TACC2: variants seen among roughly 807,000 people sequenced by gnomAD.
TACC2 encodes transforming acidic coiled-coil-containing protein 2.
TACC2 carries 137 observed loss-of-function variants against 227.3 expected under a neutral mutation model. The ratio of observed to expected loss-of-function variants is 0.60; its 90% CI spans 0.52 to 0.69. The LOEUF is 0.69. Ranked by LOEUF, TACC2 falls within the 30% of genes least tolerant of loss-of-function variation. TACC2 has a pLI of 0.00. For missense variants in TACC2, 3,470 were observed against 3,694.4 expected, an observed-to-expected ratio of 0.94 and a Z score of 1.57; for synonymous variants, 1,523 against 1,487.5, an observed-to-expected ratio of 1.02 and a Z score of -0.55.
At chr10:122,036,509 T>TTTC (rs1462373012) in intron 2 of TACC2, among the ~76,000 whole-genome samples, 1 of 150,254 alleles carries the variant, frequency 6.7e-6, no homozygotes, top group Non-Finnish European at 1.5e-5. Flanking sequence ...TCTTTTTTTT[T>TTTC]TTTTTTTTAA....
At chr10:122,174,610 A>C (rs1185876559) in intron 7 of TACC2, among the ~76,000 whole-genome samples, 1 of 152,104 alleles carries the variant, frequency 6.6e-6, no homozygotes, top group Non-Finnish European at 1.5e-5. Flanking sequence ...TTTTTTTTAA[A>C]TTGAGAAATA....
At chr10:122,162,375 ATTTTC>A (rs1397509079) in intron 7 of TACC2, among the ~76,000 whole-genome samples, 1 of 152,062 alleles carries the variant, frequency 6.6e-6, no homozygotes, top group Non-Finnish European at 1.5e-5. Flanking sequence ...TTTTGTTTTT[ATTTTC>A]TTTTGCTTTT....
chr10:122,166,322 T>C (rs1013322957), intron 7 of TACC2, among the ~76,000 whole-genome samples: 4 of 152,202 alleles, frequency 2.6e-5, no homozygotes, highest in Non-Finnish European at 5.9e-5. Context: ...AGTTTTAAGA[T>C]TTCTTTCCTT....
At chr10:121,992,319 G>A (rs1270167093) in intron 1 of TACC2, among the ~76,000 whole-genome samples, 1 of 152,206 alleles carries the variant, frequency 6.6e-6, no homozygotes, top group Non-Finnish European at 1.5e-5. Context: ...TGAAAAACCT[G>A]AAGGTTTTAA....
chr10:122,046,560 T>C (rs2075032142), intron 2 of TACC2, among the ~76,000 whole-genome samples: 1 of 152,106 alleles, frequency 6.6e-6, no homozygotes, highest in South Asian at 2.1e-4. Context: ...GCCTGCCTTT[T>C]GTTTTTTTCT....
chr10:122,239,490 C>T (rs1535460), intron 18 of TACC2, among the ~76,000 whole-genome samples: 43,468 of 152,166 alleles, frequency 0.29, 6,798 homozygotes, highest in East Asian at 0.42. Context: ...TTGAGCCTAG[C>T]GTGCTATTTC....
At position 122,085,270 on chromosome 10, in the gene TACC2, G is replaced by A; in HGVS notation, c.2770G>A (p.Glu924Lys). 3 of 1,614,078 alleles carry A rather than the reference G, an allele frequency of 1.9e-6. No individual in the cohort carries two copies. The highest frequency in any genetic ancestry group is 2.5e-6 in the Non-Finnish European group (3 of 1,180,026). The change falls in exon 4 of 23, where the codon GAG becomes AAG. Residue 924 changes from glutamate to lysine, a missense_variant. Coordinates refer to ENST00000369005, the MANE Select transcript of TACC2 (RefSeq NM_206862.4). The part of the protein sequence containing the change: ...PTSSPTDMVW[E>K]SSLTEESELS... Reference sequence around the variant, plus strand: ...TTCATCTCCCACTGACATGGTTTGGGAGAGTTCTCTGACAGAAGAGTCAGA... The same window carrying A: ...TTCATCTCCCACTGACATGGTTTGGAAGAGTTCTCTGACAGAAGAGTCAGA...
chr10:122,187,335 C>A (rs1010791389), intron 7 of TACC2, among the ~76,000 whole-genome samples: 4 of 152,182 alleles, frequency 2.6e-5, no homozygotes, highest in African/African-American at 9.7e-5. Context: ...CTTCGGTACA[C>A]TCTGGTGTCC....
At position 122,082,976 on chromosome 10, in the gene TACC2, A is replaced by T; in HGVS notation, c.476A>T (p.Asp159Val). 1.2e-6 allele frequency: 2 copies of T among 1,612,848 alleles called. No homozygotes were observed. Among genetic ancestry groups the T allele is most frequent in the Non-Finnish European group, 1.7e-6 (2 of 1,179,992 alleles). ...DIAAAFPAERDSSTPYQEIAA... is the reference protein window; with the variant it reads ...DIAAAFPAERVSSTPYQEIAA... ...GCGGCGGCATTTCCCGCTGAGAGGGACAGCTCTACTCCATACCAAGAGATT... is the reference window on the plus strand; with the variant it reads ...GCGGCGGCATTTCCCGCTGAGAGGGTCAGCTCTACTCCATACCAAGAGATT... The change falls in exon 4 of 23, where the codon GAC becomes GTC. Residue 159 changes from aspartate to valine, a missense_variant. Coordinates refer to ENST00000369005, the MANE Select transcript of TACC2 (RefSeq NM_206862.4).
intron 11 of TACC2, among the ~76,000 whole-genome samples, chr10:122,219,303 G>A (rs1371896349): frequency 2.7e-5 from 4 of 148,684 alleles, no homozygotes; most frequent in Admixed American, 2.0e-4. Context: ...CTGGAATTCC[G>A]CTCCTGGCTC....
At chr10:122,099,185 G>A (rs946918487) in intron 5 of TACC2, among the ~76,000 whole-genome samples, 6 of 152,196 alleles carry the variant, frequency 3.9e-5, no homozygotes, top group South Asian at 2.1e-4. Context: ...CCTGCCAGAC[G>A]CCATAACATA....
chr10:122,005,837 T>C (rs1301513098), intron 1 of TACC2, among the ~76,000 whole-genome samples: 1 of 151,772 alleles, frequency 6.6e-6, no homozygotes, highest in African/African-American at 2.4e-5. Context: ...GGGACTCTAG[T>C]TGTGCACCAC....
intron 3 of TACC2, among the ~76,000 whole-genome samples, chr10:122,059,731 C>G (rs1230189604): frequency 6.6e-6 from 1 of 152,144 alleles, no homozygotes; most frequent in Non-Finnish European, 1.5e-5. Context: ...AACAGAGACA[C>G]TTTTGGGTGG....
chr10:122,195,232 G>A, intron 8 of TACC2, 56 bp downstream of exon 8: 1 of 1,490,948 alleles, frequency 6.7e-7, no homozygotes, highest in Non-Finnish European at 9.1e-7. Context: ...AGCCCTGGGG[G>A]AGATTTGCAG....
intron 8 of TACC2, among the ~76,000 whole-genome samples, chr10:122,203,453 C>T (rs1321509888): frequency 2.6e-5 from 4 of 151,046 alleles, no homozygotes; most frequent in African/African-American, 7.3e-5. Context: ...AGGTGGCTGC[C>T]GGGTGGAGAC....
chr10:122,013,033 A>G (rs1202874787), intron 1 of TACC2, among the ~76,000 whole-genome samples: 2 of 152,180 alleles, frequency 1.3e-5, no homozygotes, highest in Non-Finnish European at 2.9e-5. Context: ...GAGTCCCCCA[A>G]CATCTGAATG....
chr10:122,128,068 T>C (rs998548770), intron 5 of TACC2, among the ~76,000 whole-genome samples: 17 of 151,182 alleles, frequency 1.1e-4, no homozygotes, highest in Non-Finnish European at 2.1e-4. Context: ...GGGAGGCAGG[T>C]GAGTGGGTAA....
chr10:122,051,716 G>A (rs1297791738), intron 3 of TACC2: 1 of 149,274 alleles, frequency 6.7e-6, no homozygotes, highest in African/African-American at 2.5e-5. Flanking sequence ...ATGCAACTTT[G>A]ACTCACATGC....
intron 1 of TACC2, among the ~76,000 whole-genome samples, chr10:122,010,454 A>T (rs1425266738): frequency 2.0e-5 from 3 of 152,228 alleles, no homozygotes; most frequent in African/African-American, 7.2e-5. Context: ...TATCTGGTTT[A>T]GCAGGGGAAA....
Sources: gnomAD v4.1 joint callset for allele counts (sites outside exome capture counted in the v4.1 genomes callset) on GRCh38, gnomAD v4.1.1 for gene constraint, MANE v1.5 for transcripts, NCBI Gene and HGNC (gene_info 2026-07-23, HGNC 2026-07-21) for gene names.